Variants in TAF3 observed in about 807,000 individuals in gnomAD.
TAF3 encodes transcription initiation factor TFIID subunit 3.
In TAF3, 7 loss-of-function variants were observed where a neutral mutation model predicts 80.6. The observed-to-expected ratio is 0.09, with a 90% CI of 0.05 to 0.16. The LOEUF (loss-of-function observed/expected upper bound fraction) is 0.16, where lower values mean the gene tolerates loss of function less well. Ranked by LOEUF, TAF3 falls within the 10% of genes least tolerant of loss-of-function variation. The probability of loss-of-function intolerance (pLI) is 1.00; values close to 1 mark genes in which losing one functional copy is unlikely to be tolerated. For synonymous variants in TAF3, 444 were observed against 446.1 expected (o/e 1.00, Z 0.06); for missense variants, 921 against 1,140.2 (o/e 0.81, Z 2.77).
chr10:7,875,496 G>A (rs1405542995), intron 2 of TAF3, among the ~76,000 whole-genome samples: 3 of 152,158 alleles, frequency 2.0e-5, no homozygotes, highest in African/African-American at 7.2e-5. Context: ...AGGTACAGAA[G>A]GATGTGTGGA....
At chr10:7,839,396 G>C (rs1294718690) in intron 2 of TAF3, among the ~76,000 whole-genome samples, 2 of 152,098 alleles carry the variant, frequency 1.3e-5, no homozygotes, top group East Asian at 3.9e-4. Context: ...CTATGGTCCT[G>C]CTACTCTATG....
Position 7,888,247 on chromosome 10 carries a change from T to C in TAF3, c.409+63687T>C, listed in dbSNP as rs572506713. 3.9e-5 allele frequency among the ~76,000 whole-genome samples: 6 copies of C among 152,222 alleles called. No individual in the cohort carries two copies. In the South Asian group the frequency reaches 8.3e-4, roughly 21 times the overall value. Reference sequence around the variant, plus strand: ...TCCTAAAACACTGTCCAAGCACATTTTTTTGCTTCTTTACTCCTTAACCTT... The same window carrying C: ...TCCTAAAACACTGTCCAAGCACATTCTTTTGCTTCTTTACTCCTTAACCTT... On this transcript the variant is annotated intron_variant, in intron 2 of 6. Coordinates refer to ENST00000344293, the MANE Select transcript of TAF3 (RefSeq NM_031923.4).
chr10:7,975,741 T>C (rs917151775), intron 3 of TAF3, among the ~76,000 whole-genome samples: 11 of 152,158 alleles, frequency 7.2e-5, no homozygotes, highest in African/African-American at 2.7e-4. Context: ...GATAAATACA[T>C]GAGAGAAAAT....
At chr10:7,960,149 A>G (rs1215701040) in intron 2 of TAF3, among the ~76,000 whole-genome samples, 19 of 152,342 alleles carry the variant, frequency 1.2e-4, no homozygotes, top group Admixed American at 1.2e-3. Context: ...TCTGTGGAGT[A>G]GGAGGAGGTT....
At chr10:7,976,249 CTTTTTTT>C (rs1042340982) in intron 3 of TAF3, among the ~76,000 whole-genome samples, 2 of 139,808 alleles carry the variant, frequency 1.4e-5, no homozygotes, top group Non-Finnish European at 3.1e-5. Flanking sequence ...TTTCTTTTTT[CTTTTTTT>C]TTTTTTTTAA....
At chr10:7,990,800 C>T (rs772134091) in intron 4 of TAF3, among the ~76,000 whole-genome samples, 2 of 152,126 alleles carry the variant, frequency 1.3e-5, no homozygotes, top group East Asian at 1.9e-4. Flanking sequence ...ACAGGAGGTG[C>T]GTTAGAGAGT....
intron 3 of TAF3, among the ~76,000 whole-genome samples, 166 bp from the exon 4 acceptor site, chr10:7,977,075 C>G (rs1831680582): frequency 6.6e-6 from 1 of 152,162 alleles, no homozygotes; most frequent in Non-Finnish European, 1.5e-5. Flanking sequence ...TGCCAGGTAG[C>G]CTTCAGTTGT....
chr10:7,879,922 A>G lies in TAF3; in HGVS notation c.409+55362A>G, dbSNP rs1317295613. Reference sequence around the variant, plus strand: ...AAACAAGACCTAGTAAATGAAATAAAACCTGGCTGGGCACGATGGGTCACA... The same window carrying G: ...AAACAAGACCTAGTAAATGAAATAAGACCTGGCTGGGCACGATGGGTCACA... On this transcript the variant is annotated intron_variant, in intron 2 of 6. Transcript: ENST00000344293. 3.9e-5 allele frequency among the ~76,000 whole-genome samples: 6 copies of G among 152,292 alleles called. No homozygotes were observed. The East Asian group carries it at 5.8e-4, about 15-fold the overall frequency.
At chr10:7,949,027 C>T (rs533269685) in intron 2 of TAF3, among the ~76,000 whole-genome samples, 1 of 152,214 alleles carries the variant, frequency 6.6e-6, no homozygotes, top group South Asian at 2.1e-4. Context: ...CGGCTGCTGC[C>T]GCCGCTGCTG....
chr10:7,970,076 T>C (rs1831607932), intron 3 of TAF3, among the ~76,000 whole-genome samples: 1 of 152,242 alleles, frequency 6.6e-6, no homozygotes, highest in Non-Finnish European at 1.5e-5. Flanking sequence ...TTGTGTCATT[T>C]AATTAAGATA....
chr10:7,893,774 C>T (rs1489934688), intron 2 of TAF3, among the ~76,000 whole-genome samples: 2 of 152,046 alleles, frequency 1.3e-5, no homozygotes, highest in African/African-American at 2.4e-5. Flanking sequence ...CTGTTTTGCC[C>T]GTATCAATAT....
intron 3 of TAF3, 59 bp downstream of exon 3, chr10:7,965,801 A>G: frequency 7.0e-7 from 1 of 1,428,448 alleles, no homozygotes; most frequent in Non-Finnish European, 9.2e-7. Context: ...AAACACAGGT[A>G]AACAAAGCCC....
At chr10:7,965,776 C>A in intron 3 of TAF3, 34 bp downstream of exon 3, 1 of 1,498,518 alleles carries the variant, frequency 6.7e-7, no homozygotes, top group Non-Finnish European at 8.8e-7. Flanking sequence ...CCTATCTGAA[C>A]AGAGTCCTAG....
intron 2 of TAF3, among the ~76,000 whole-genome samples, chr10:7,870,552 A>ACTGTAC (rs1837255171): frequency 6.6e-6 from 1 of 152,172 alleles, no homozygotes; most frequent in Admixed American, 6.5e-5. Context: ...TCCATTGTAC[A>ACTGTAC]ATTGGAAACT....
At chr10:7,981,457 A>C (rs1465973836) in intron 4 of TAF3, among the ~76,000 whole-genome samples, 1 of 152,208 alleles carries the variant, frequency 6.6e-6, no homozygotes, top group African/African-American at 2.4e-5. Flanking sequence ...ATATCTCATA[A>C]TATATTGGAT....
chr10:7,879,188 C>T (rs1462030863), intron 2 of TAF3, among the ~76,000 whole-genome samples: 1 of 151,970 alleles, frequency 6.6e-6, no homozygotes, highest in Non-Finnish European at 1.5e-5. Context: ...ATTAATAAGA[C>T]ATTTATATGT....
chr10:7,828,666 G>A (rs1836767039), intron 2 of TAF3, among the ~76,000 whole-genome samples: 1 of 151,576 alleles, frequency 6.6e-6, no homozygotes, highest in Admixed American at 6.6e-5. Context: ...GGTTCTCACA[G>A]TGTGGTCTCT....
chr10:7,853,746 G>A (rs566275920), intron 2 of TAF3, among the ~76,000 whole-genome samples: 9 of 152,272 alleles, frequency 5.9e-5, no homozygotes, highest in African/African-American at 1.4e-4. Flanking sequence ...CTACAATGGC[G>A]GAGATGAGAT....
At chr10:7,855,696 A>G (rs1837071728) in intron 2 of TAF3, among the ~76,000 whole-genome samples, 1 of 152,204 alleles carries the variant, frequency 6.6e-6, no homozygotes, top group Non-Finnish European at 1.5e-5. Flanking sequence ...AAGGCTTACC[A>G]GACAAAGGAA....
Sources: allele counts gnomAD v4.1 joint callset (sites outside exome capture counted in the v4.1 genomes callset), GRCh38; gene constraint gnomAD v4.1.1; transcripts MANE v1.5; gene names NCBI Gene and HGNC (gene_info 2026-07-23, HGNC 2026-07-21).